The following STEAP1B variants were observed in gnomAD, a reference collection of about 807,000 sequenced individuals.
STEAP1B encodes the protein STEAP family member 1B, also known as STEAP family protein MGC87042.
In STEAP1B, 13 loss-of-function variants were observed where a neutral mutation model predicts 27.9. The observed-to-expected ratio is 0.47, with a 90% CI of 0.30 to 0.74. The LOEUF (loss-of-function observed/expected upper bound fraction) is 0.74, where lower values mean the gene tolerates loss of function less well. STEAP1B is among the 30% of genes least tolerant of loss of function. STEAP1B has a pLI of 0.06. For synonymous variants in STEAP1B, 86 were observed against 107.1 expected (o/e 0.80, Z 1.22); for missense variants, 250 against 298.7 (o/e 0.84, Z 1.20).
rs751405073 is a variant in STEAP1B at position 22,480,516 on chromosome 7, G to A, written c.762+12049C>T. On this transcript the variant is annotated intron_variant, in intron 4 of 4. Coordinates refer to ENST00000678116, the MANE Select transcript of STEAP1B (RefSeq NM_001382447.1). ...TTATGGCAATTTACAGCTCACCCCAGGGAGACTCAGTCTGCAAAAGCTCAG... is the reference window on the plus strand; with the variant it reads ...TTATGGCAATTTACAGCTCACCCCAAGGAGACTCAGTCTGCAAAAGCTCAG... Among the ~76,000 whole-genome samples the A allele has an allele frequency of 4.9e-4, 74 of 152,296 alleles. 3 individuals are homozygous for A. The highest frequency in any genetic ancestry group is 3.7e-3 in the Admixed American group (56 of 15,302).
At chr7:22,464,573 G>T (rs1321618708) in intron 4 of STEAP1B, among the ~76,000 whole-genome samples, 2 of 152,042 alleles carry the variant, frequency 1.3e-5, no homozygotes, top group Non-Finnish European at 1.5e-5. Flanking sequence ...CCTTTAAGAG[G>T]TGATTAAGTT....
At chr7:22,481,510 A>T (rs960697542) in intron 4 of STEAP1B, among the ~76,000 whole-genome samples, 1 of 152,182 alleles carries the variant, frequency 6.6e-6, no homozygotes, top group African/African-American at 2.4e-5. Context: ...ATCACCTGAG[A>T]GCTGTCAGAA....
intron 4 of STEAP1B, among the ~76,000 whole-genome samples, chr7:22,432,865 C>A (rs955093464): frequency 6.6e-6 from 1 of 152,138 alleles, no homozygotes; most frequent in African/African-American, 2.4e-5. Flanking sequence ...AATATTAAAG[C>A]ACACACATGT....
At chr7:22,454,446 G>C (rs965294508) in intron 4 of STEAP1B, among the ~76,000 whole-genome samples, 2 of 152,140 alleles carry the variant, frequency 1.3e-5, no homozygotes, top group Non-Finnish European at 2.9e-5. Flanking sequence ...GGGTGCCAGA[G>C]ACAGCTCTTC....
Position 22,467,436 on chromosome 7 carries a change from T to A in STEAP1B, c.762+25129A>T, listed in dbSNP as rs181651651. Reference sequence around the variant, plus strand: ...TGAGCTGTGCACGTGTGTGTATGCATGTTCAACTTCAATATAAACTTTAGT... The same window carrying A: ...TGAGCTGTGCACGTGTGTGTATGCAAGTTCAACTTCAATATAAACTTTAGT... On this transcript the variant is annotated intron_variant, in intron 4 of 4. Transcript: ENST00000678116. Among the ~76,000 whole-genome samples, 17 of 152,348 alleles carry A rather than the reference T, an allele frequency of 1.1e-4. No individual in the cohort carries two copies. The East Asian group carries it at 3.1e-3, about 28-fold the overall frequency.
At chr7:22,479,722 T>G (rs189430639) in intron 4 of STEAP1B, among the ~76,000 whole-genome samples, 1 of 142,780 alleles carries the variant, frequency 7.0e-6, no homozygotes, top group Non-Finnish European at 1.5e-5. Flanking sequence ...TCCCACTCTG[T>G]TACCCAGGCT....
chr7:22,456,972 A>ATATATTTTTTTTTTTTTTTTT lies in STEAP1B; in HGVS notation c.762+35592_762+35593insAAAAAAAAAAAAAAAAATATA. ...GGCAGCTATATATATATATATATATATTTTTTTTTTTTTTAAGTATCCTGG... is the reference window on the plus strand; with the variant it reads ...GGCAGCTATATATATATATATATATATATATTTTTTTTTTTTTTTTTTTTTTTTTTTTTTTAAGTATCCTGG... On this transcript the variant is annotated intron_variant, in intron 4 of 4. Transcript: ENST00000678116. Among the ~76,000 whole-genome samples the ATATATTTTTTTTTTTTTTTTT allele has an allele frequency of 6.3e-4, 36 of 57,020 alleles. No homozygotes were observed. In the East Asian group the frequency reaches 0.022, roughly 35 times the overall value. 37.4% of individuals were successfully genotyped at this position (57,020 alleles called of 152,430 possible).
At chr7:22,432,358 G>C (rs1254891666) in intron 4 of STEAP1B, among the ~76,000 whole-genome samples, 1 of 149,694 alleles carries the variant, frequency 6.7e-6, no homozygotes, top group African/African-American at 2.5e-5. Context: ...TGGCAACATA[G>C]AGAAACCCTA....
chr7:22,433,119 C>T (rs568209003), intron 4 of STEAP1B, among the ~76,000 whole-genome samples: 13 of 149,154 alleles, frequency 8.7e-5, no homozygotes, highest in African/African-American at 3.0e-4. Flanking sequence ...TCTAACAGAA[C>T]CTAAATGAGT....
chr7:22,443,652 T>A (rs1276509444), intron 4 of STEAP1B, among the ~76,000 whole-genome samples: 3 of 152,184 alleles, frequency 2.0e-5, no homozygotes, highest in Non-Finnish European at 4.4e-5. Flanking sequence ...CTGTACATAG[T>A]CAGTTCCTCC....
chr7:22,426,315 G>T (rs549297512), intron 4 of STEAP1B, among the ~76,000 whole-genome samples: 82 of 152,184 alleles, frequency 5.4e-4, no homozygotes, highest in Admixed American at 2.3e-3. Flanking sequence ...AACATCACAA[G>T]AAAGTAAAGT....
At chr7:22,438,723 G>A in intron 4 of STEAP1B, 1 of 1,551,574 alleles carries the variant, frequency 6.4e-7, no homozygotes, top group Admixed American at 2.0e-5. Context: ...CCTGAAAGTT[G>A]CACAAAGCTA....
chr7:22,462,297 T>C (rs28390322), intron 4 of STEAP1B, among the ~76,000 whole-genome samples: 2,744 of 150,040 alleles, frequency 0.018, 108 homozygotes, highest in African/African-American at 0.065. Context: ...TAGTTACATA[T>C]GTATACATGT....
Position 22,492,618 on chromosome 7 carries a change from A to G in STEAP1B, c.709T>C (p.Ser237Pro), listed in dbSNP as rs778353479. Residue 237 changes from serine to proline, a missense_variant, in exon 4 of 5, where the codon TCT (serine) becomes CCT (proline). Ser to Pro is a moderately conservative substitution (Grantham distance 74). Coordinates refer to ENST00000678116, the MANE Select transcript of STEAP1B (RefSeq NM_001382447.1). ...LAILALLAVTSIPSVSDSLTW... is the reference protein window; with the variant it reads ...LAILALLAVTPIPSVSDSLTW... ...AAAGAGTCACTCACAGATGGAATAG[A>G]TGTCACAGCCAACAGAGCCAGTATT... is the stretch of plus-strand genomic sequence containing the variant. 1.2e-6 allele frequency: 2 copies of G among 1,613,630 alleles called. No homozygotes were observed. The highest frequency in any genetic ancestry group is 1.7e-6 in the Non-Finnish European group (2 of 1,179,750).
At chr7:22,456,952 C>CGA (rs1478025290) in intron 4 of STEAP1B, among the ~76,000 whole-genome samples, 1 of 73,294 alleles carries the variant, frequency 1.4e-5, no homozygotes, top group Non-Finnish European at 2.7e-5. Flanking sequence ...GGATAGGCAG[C>CGA]TATATATATA....
chr7:22,491,956 T>C (rs530494923), intron 4 of STEAP1B, among the ~76,000 whole-genome samples: 1 of 152,214 alleles, frequency 6.6e-6, no homozygotes, highest in African/African-American at 2.4e-5. Flanking sequence ...AGGATATATG[T>C]AGTATTTCTG....
At chr7:22,444,160 T>G (rs896565824) in intron 4 of STEAP1B, among the ~76,000 whole-genome samples, 2 of 152,216 alleles carry the variant, frequency 1.3e-5, no homozygotes, top group Non-Finnish European at 2.9e-5. Flanking sequence ...ATCCTCATCC[T>G]AGGACAAAGA....
At chr7:22,473,651 C>T (rs770192661) in intron 4 of STEAP1B, among the ~76,000 whole-genome samples, 54 of 152,290 alleles carry the variant, frequency 3.5e-4, no homozygotes, top group African/African-American at 8.9e-4. Context: ...ACCCCAGAGA[C>T]GACGAACTGG....
At chr7:22,420,892 G>A (rs187299630) in intron 4 of STEAP1B, among the ~76,000 whole-genome samples, 21 of 152,262 alleles carry the variant, frequency 1.4e-4, no homozygotes, top group Non-Finnish European at 2.6e-4. Context: ...GAGAGAATAG[G>A]GAAATTATCC....
Sources: allele counts gnomAD v4.1 joint callset (sites outside exome capture counted in the v4.1 genomes callset), GRCh38; gene constraint gnomAD v4.1.1; transcripts MANE v1.5; gene names NCBI Gene and HGNC (gene_info 2026-07-23, HGNC 2026-07-21).